The following ARHGAP29 variants were observed in gnomAD, a reference collection of about 807,000 sequenced individuals.
ARHGAP29 encodes Rho GTPase activating protein 29.
ARHGAP29 carries 43 observed loss-of-function variants against 122.6 expected under a neutral mutation model. That is an observed-to-expected ratio of 0.35 (90% confidence interval 0.27 to 0.45). The LOEUF is 0.45. Among genes scored for constraint, ARHGAP29 ranks in the 20% least tolerant of loss-of-function variants. ARHGAP29 has a pLI of 1.00. For synonymous variants in ARHGAP29, 506 were observed against 497.1 expected (o/e 1.02, Z -0.24); for missense variants, 1,303 against 1,477.2 (o/e 0.88, Z 1.93).
chr1:94,307,426 T>C, the ARHGAP29 span, among the ~76,000 whole-genome samples: 2 of 152,164 alleles, frequency 1.3e-5, no homozygotes, highest in African/African-American at 2.4e-5. Context: ...AAAACTCCAA[T>C]GGGATTTTAT....
intron 1 of ARHGAP29, among the ~76,000 whole-genome samples, chr1:94,268,830 TAG>T (rs1654883944): frequency 6.6e-6 from 1 of 152,162 alleles, no homozygotes; most frequent in Admixed American, 6.6e-5. Context: ...ATGATATATG[TAG>T]AGAGAGACAA....
At chr1:94,191,821 A>C (rs1489910017) in intron 12 of ARHGAP29, 1 of 152,220 alleles carries the variant, frequency 6.6e-6, no homozygotes, top group Non-Finnish European at 1.5e-5. Context: ...GACTGGTCCA[A>C]GGACCGCATC....
At position 94,217,471 on chromosome 1, in the gene ARHGAP29, C is replaced by T. The variant is rs150238631; in HGVS notation, c.340+2787G>A. Among the ~76,000 whole-genome samples, 764 of 149,884 alleles carry T rather than the reference C, an allele frequency of 5.1e-3. 10 individuals carry two copies. The highest frequency in any genetic ancestry group is 0.018 in the African/African-American group (735 of 40,698). On this transcript the variant is annotated intron_variant, in intron 3 of 22. Transcript: ENST00000260526. ...ATTGCTTGAACCCAGGAGGCTGAGG[C>T]TGCAGTGAGCCGAGATCATGCCACT... is the stretch of plus-strand genomic sequence containing the variant.
intron 7 of ARHGAP29, among the ~76,000 whole-genome samples, chr1:94,204,304 A>G (rs1181911596): frequency 6.6e-6 from 1 of 152,122 alleles, no homozygotes; most frequent in Non-Finnish European, 1.5e-5. Context: ...ACAGCTCTTA[A>G]TGCAGCACTT....
Position 94,202,964 on chromosome 1 carries a change from T to G in ARHGAP29, c.908A>C (p.Gln303Pro). 1 of 1,609,522 alleles carries G rather than the reference T, an allele frequency of 6.2e-7. No homozygotes were observed. Reference protein sequence around the residue: ...LLGRKNEMEKQRKEIKELWKQ... With the variant: ...LLGRKNEMEKPRKEIKELWKQ... ...CCAAAGCTCTTTTATTTCTTTCCTT[T>G]GTTTTTCCATTTCATTTTTCCTTCC... The change falls in exon 10 of 23, where the codon CAA becomes CCA. Residue 303 changes from glutamine (Q) to proline (P), a missense_variant. Around this residue, in one of 3 missense-constraint regions of ARHGAP29, gnomAD observed 592 missense variants for 648.2 expected, o/e 0.91. Transcript: ENST00000260526.
the ARHGAP29 span, among the ~76,000 whole-genome samples, chr1:94,298,556 G>T: frequency 0.23 from 35,518 of 152,000 alleles, 4,389 homozygotes; most frequent in East Asian, 0.46. Context: ...CTTTCCTTAG[G>T]TTTGGGTTTA....
chr1:94,212,245 G>A (rs749406348), intron 3 of ARHGAP29, among the ~76,000 whole-genome samples: 2 of 151,956 alleles, frequency 1.3e-5, no homozygotes, highest in South Asian at 2.1e-4. Context: ...GTGACAGAGC[G>A]AGACTCCATC....
chr1:94,185,921 T>G (rs180797887), intron 16 of ARHGAP29, among the ~76,000 whole-genome samples: 8 of 152,332 alleles, frequency 5.3e-5, no homozygotes, highest in Admixed American at 4.6e-4. Context: ...TATAAAATTA[T>G]AGTTAATATT....
At chr1:94,282,535 G>A in the ARHGAP29 span, among the ~76,000 whole-genome samples, 4 of 151,890 alleles carry the variant, frequency 2.6e-5, no homozygotes, top group African/African-American at 9.7e-5. Flanking sequence ...CTAGGCCTCC[G>A]AAAGTGCTGG....
chr1:94,265,882 AG>A (rs1407652554), intron 1 of ARHGAP29, among the ~76,000 whole-genome samples: 5 of 152,168 alleles, frequency 3.3e-5, no homozygotes, highest in Non-Finnish European at 7.3e-5. Flanking sequence ...CAAAAGAGTG[AG>A]GATATGTTTC....
chr1:94,182,577 A>T lies in ARHGAP29; in HGVS notation c.2247+1574T>A, dbSNP rs1411702. Among the ~76,000 whole-genome samples, 5 of 152,034 alleles carry T rather than the reference A, an allele frequency of 3.3e-5. No homozygotes were observed. In the East Asian group the frequency reaches 9.6e-4, roughly 29 times the overall value. ...AGAGACAAAATCATAGGCCACATAC[A>T]AGAAGTTAGAAATGAGAAGGATTTC... On this transcript the variant is annotated intron_variant, in intron 19 of 22. Transcript: ENST00000260526.
chr1:94,173,895 C>T lies in ARHGAP29; in HGVS notation c.3760G>A (p.Glu1254Lys), dbSNP rs772383920. Reference protein sequence around the residue: ...LKRMQQFEDLEGEIPQFV With the variant: ...LKRMQQFEDLKGEIPQFV ...TACACAAATTGTGGAATTTCACCTT[C>T]GAGGTCTTCAAACTGTTGCATTCGT... The change falls in exon 23 of 23, where the codon GAA becomes AAA. Residue 1254 changes from glutamate (E) to lysine (K), a missense_variant. Around this residue, in one of 3 missense-constraint regions of ARHGAP29, gnomAD observed 620 missense variants for 651.2 expected, o/e 0.95. Coordinates refer to ENST00000260526, the MANE Select transcript of ARHGAP29 (RefSeq NM_004815.4). 15 of 1,604,454 alleles carry T rather than the reference C, an allele frequency of 9.3e-6. No homozygotes were observed. Among genetic ancestry groups the T allele is most frequent in the East Asian group, 4.5e-5 (2 of 44,648 alleles).
At chr1:94,178,850 C>A (rs2101350768) in intron 20 of ARHGAP29, among the ~76,000 whole-genome samples, 1 of 152,264 alleles carries the variant, frequency 6.6e-6, no homozygotes, top group South Asian at 2.1e-4. Context: ...TGTATTGCAG[C>A]CTAACCAATT....
chr1:94,179,324 G>A (rs543461227), intron 20 of ARHGAP29, among the ~76,000 whole-genome samples: 6 of 152,068 alleles, frequency 3.9e-5, no homozygotes, highest in African/African-American at 9.7e-5. Flanking sequence ...TGCCAGGCGC[G>A]GTGGCTCACG....
chr1:94,184,824 G>A, intron 18 of ARHGAP29, 48 bp downstream of exon 18: 1 of 1,414,860 alleles, frequency 7.1e-7, no homozygotes, highest in Middle Eastern at 2.4e-4. Context: ...ATTAGAATAG[G>A]TTACACAGGC....
chr1:94,184,844 T>G (rs1046652114), intron 18 of ARHGAP29, 28 bp downstream of exon 18: 10 of 1,512,718 alleles, frequency 6.6e-6, no homozygotes, highest in Non-Finnish European at 8.9e-6. Flanking sequence ...CATTTATGCT[T>G]TTTAAAATTT....
chr1:94,260,324 A>T (rs529392381), intron 1 of ARHGAP29, among the ~76,000 whole-genome samples: 1 of 151,838 alleles, frequency 6.6e-6, no homozygotes, highest in Admixed American at 6.6e-5. Flanking sequence ...CCTTTCTCTT[A>T]CCCCCAGAGG....
At chr1:94,262,419 A>G (rs768589754) in intron 1 of ARHGAP29, among the ~76,000 whole-genome samples, 4 of 152,232 alleles carry the variant, frequency 2.6e-5, no homozygotes, top group Non-Finnish European at 4.4e-5. Context: ...AAATTAAACT[A>G]AAGAGCTTCT....
chr1:94,218,552 C>T (rs1460274738), intron 3 of ARHGAP29, among the ~76,000 whole-genome samples: 1 of 152,150 alleles, frequency 6.6e-6, no homozygotes, highest in South Asian at 2.1e-4. Flanking sequence ...TGAACTAGGT[C>T]GCTATTTCCA....
Sources: gnomAD v4.1 joint callset for allele counts (sites outside exome capture counted in the v4.1 genomes callset) on GRCh38, gnomAD v4.1.1 for gene constraint, gnomAD v4.1.1 regional missense constraint, MANE v1.5 for transcripts, NCBI Gene and HGNC (gene_info 2026-07-23, HGNC 2026-07-21) for gene names.